The following TP63 variants were observed in gnomAD, a reference collection of about 807,000 sequenced individuals.
The protein encoded by TP63 is tumor protein 63.
Under a neutral mutation model 82.8 loss-of-function variants are expected in TP63, and 17 were observed. The ratio of observed to expected loss-of-function variants is 0.21; its 90% CI spans 0.14 to 0.31. TP63 has a LOEUF of 0.31. TP63 is among the 10% of genes least tolerant of loss of function. TP63 has a pLI of 1.00. For missense variants in TP63, 648 were observed against 895.3 expected (o/e 0.72, Z 3.52); for synonymous variants, 330 against 321.7 (o/e 1.03, Z -0.28).
At chr3:189,746,147 G>A (rs1449886574) in intron 3 of TP63, among the ~76,000 whole-genome samples, 1 of 151,768 alleles carries the variant, frequency 6.6e-6, no homozygotes, top group African/African-American at 2.4e-5. Context: ...AATTCTAAAA[G>A]CAGCAAAAAT....
chr3:189,790,826 A>G (rs1333493074), intron 3 of TP63, among the ~76,000 whole-genome samples: 1 of 152,112 alleles, frequency 6.6e-6, no homozygotes, highest in South Asian at 2.1e-4. Flanking sequence ...TTAAAAATCA[A>G]AACAAAATGC....
At chr3:189,675,403 AT>A (rs1414011512) in intron 1 of TP63, among the ~76,000 whole-genome samples, 1 of 152,150 alleles carries the variant, frequency 6.6e-6, no homozygotes, top group Non-Finnish European at 1.5e-5. Context: ...TCTATAGGTC[AT>A]TTTAAAAGAT....
chr3:189,710,705 G>A (rs1216576254), intron 1 of TP63, among the ~76,000 whole-genome samples: 1 of 152,136 alleles, frequency 6.6e-6, no homozygotes, highest in Non-Finnish European at 1.5e-5. Flanking sequence ...TGAAGGTTGA[G>A]CTAGAGGAGG....
chr3:189,612,827 C>T, the TP63 span, among the ~76,000 whole-genome samples: 3 of 152,130 alleles, frequency 2.0e-5, no homozygotes, highest in South Asian at 2.1e-4. Context: ...ACTCCTGTTA[C>T]GTTTTAGCAA....
the TP63 span, among the ~76,000 whole-genome samples, chr3:189,607,059 C>T: frequency 6.6e-6 from 1 of 152,056 alleles, no homozygotes; most frequent in Non-Finnish European, 1.5e-5. Context: ...TGACCTAGAA[C>T]CAGGTGCCAG....
At chr3:189,625,603 G>A in the TP63 span, among the ~76,000 whole-genome samples, 2 of 152,270 alleles carry the variant, frequency 1.3e-5, no homozygotes, top group South Asian at 4.1e-4. Flanking sequence ...TAATTGAACT[G>A]AGATCATGTA....
rs911339488 is a variant in TP63 at position 189,826,789 on chromosome 3, C to T, written c.579+18263C>T. 3.3e-5 allele frequency among the ~76,000 whole-genome samples: 5 copies of T among 152,318 alleles called. No homozygotes were observed. The East Asian group carries it at 7.7e-4, about 24-fold the overall frequency. ...ATTTTGTATGGTATGCATGTGCACA[C>T]ATGTCCCAAGATGCGTTTGTTGAGG... On this transcript the variant is annotated intron_variant, in intron 4 of 13. Coordinates refer to ENST00000264731, the MANE Select transcript of TP63 (RefSeq NM_003722.5).
At chr3:189,738,967 AAT>A in intron 3 of TP63, 193 bp downstream of exon 3, 1 of 724,380 alleles carries the variant, frequency 1.4e-6, no homozygotes, top group Non-Finnish European at 2.3e-6. Context: ...AAATATCTAT[AAT>A]ATATGTGTTT....
chr3:189,747,173 C>A (rs1721444777), intron 3 of TP63, among the ~76,000 whole-genome samples: 1 of 152,004 alleles, frequency 6.6e-6, no homozygotes, highest in South Asian at 2.1e-4. Context: ...CAACACTGCA[C>A]TCACAGCATT....
chr3:189,700,605 C>G (rs1717731000), intron 1 of TP63, among the ~76,000 whole-genome samples: 1 of 152,150 alleles, frequency 6.6e-6, no homozygotes, highest in Non-Finnish European at 1.5e-5. Flanking sequence ...CATTCAGGAT[C>G]AGAGATTAAT....
intron 1 of TP63, among the ~76,000 whole-genome samples, chr3:189,686,092 G>T (rs1716412710): frequency 6.6e-6 from 1 of 152,100 alleles, no homozygotes; most frequent in South Asian, 2.1e-4. Context: ...GTTTGATTAT[G>T]TGGCAGAAAG....
intron 1 of TP63, among the ~76,000 whole-genome samples, chr3:189,632,717 C>T (rs149092574): frequency 6.6e-6 from 1 of 152,184 alleles, no homozygotes; most frequent in East Asian, 1.9e-4. Flanking sequence ...TGATTCGTGT[C>T]TTGCTGTTTA....
At chr3:189,793,605 G>C (rs1372397906) in intron 3 of TP63, among the ~76,000 whole-genome samples, 1 of 151,972 alleles carries the variant, frequency 6.6e-6, no homozygotes, top group East Asian at 1.9e-4. Flanking sequence ...TGATTGCTCT[G>C]GGTGGAATCT....
intron 4 of TP63, among the ~76,000 whole-genome samples, chr3:189,821,334 G>A (rs566471502): frequency 3.3e-5 from 5 of 152,264 alleles, no homozygotes; most frequent in South Asian, 2.1e-4. Context: ...ACTTCACAGC[G>A]CTTAGATTTG....
chr3:189,732,952 G>A (rs574794740), intron 1 of TP63, among the ~76,000 whole-genome samples: 1 of 152,310 alleles, frequency 6.6e-6, no homozygotes, highest in African/African-American at 2.4e-5. Context: ...TAGGAACTAG[G>A]AAGTACTAAG....
intron 1 of TP63, among the ~76,000 whole-genome samples, chr3:189,736,297 C>A (rs1329148759): frequency 6.6e-6 from 1 of 151,834 alleles, no homozygotes; most frequent in African/African-American, 2.4e-5. Context: ...GCTTAATCTC[C>A]CAGCATTCTC....
chr3:189,867,694 A>G lies in TP63; in HGVS notation c.883-139A>G, dbSNP rs145952254. The G allele has an allele frequency of 3.2e-3, 2,500 of 782,576 alleles. 10 individuals carry two copies. Among genetic ancestry groups the G allele is most frequent in the Non-Finnish European group, 3.3e-3 (1,530 of 458,704 alleles). The allele number at this position is 782,576 out of a possible 1,614,324, so 48.5% of individuals were successfully genotyped here. On this transcript the variant is annotated intron_variant, in intron 6 of 13. Coordinates refer to ENST00000264731, the MANE Select transcript of TP63 (RefSeq NM_003722.5). ...GGCAAGATGAAGAAAAATCTACAAC[A>G]GGGTTCAGAGTTTGCCCTTTTAGGA...
chr3:189,867,561 T>C (rs897404885), intron 6 of TP63, among the ~76,000 whole-genome samples: 2 of 152,200 alleles, frequency 1.3e-5, no homozygotes, highest in Non-Finnish European at 2.9e-5. Context: ...AATTACATGA[T>C]GTGGATCAGC....
intron 1 of TP63, among the ~76,000 whole-genome samples, chr3:189,657,694 T>A (rs1050945073): frequency 6.6e-6 from 1 of 152,102 alleles, no homozygotes; most frequent in Non-Finnish European, 1.5e-5. Context: ...ATGAGAGTGA[T>A]TCATGTGGTA....
Sources: allele counts gnomAD v4.1 joint callset (sites outside exome capture counted in the v4.1 genomes callset), GRCh38; gene constraint gnomAD v4.1.1; transcripts MANE v1.5; gene names NCBI Gene and HGNC (gene_info 2026-07-23, HGNC 2026-07-21).